CTNNA3: variants seen among roughly 807,000 people sequenced by gnomAD.
The protein encoded by CTNNA3 is catenin alpha-3.
In CTNNA3, 76 loss-of-function variants were observed where a neutral mutation model predicts 95.7. That is an observed-to-expected ratio of 0.79 (90% confidence interval 0.66 to 0.96). The LOEUF (loss-of-function observed/expected upper bound fraction) is 0.96, where lower values mean the gene tolerates loss of function less well. Among genes scored for constraint, CTNNA3 ranks in the 40% least tolerant of loss-of-function variants. The pLI is 0.00. For synonymous variants in CTNNA3, 431 were observed against 374.4 expected, an observed-to-expected ratio of 1.15 and a Z score of -1.74; for missense variants, 1,191 against 1,089.8, an observed-to-expected ratio of 1.09 and a Z score of -1.31.
chr10:66,793,584 T>C (rs576791257), intron 7 of CTNNA3, among the ~76,000 whole-genome samples: 115 of 152,312 alleles, frequency 7.6e-4, no homozygotes, highest in Admixed American at 1.8e-3. Context: ...GTATTTTATC[T>C]AGTTTAGTAG....
chr10:66,602,896 C>T (rs1389194764), intron 10 of CTNNA3, among the ~76,000 whole-genome samples: 1 of 151,956 alleles, frequency 6.6e-6, no homozygotes, highest in African/African-American at 2.4e-5. Context: ...AATTCCATAT[C>T]CCTTTATGAT....
intron 7 of CTNNA3, among the ~76,000 whole-genome samples, chr10:67,160,612 T>C (rs1861496787): frequency 6.6e-6 from 1 of 151,942 alleles, no homozygotes; most frequent in African/African-American, 2.4e-5. Context: ...AATTTTTATA[T>C]TTTTTGTAGA....
intron 13 of CTNNA3, among the ~76,000 whole-genome samples, chr10:66,113,455 A>G (rs2082195087): frequency 6.6e-6 from 1 of 152,186 alleles, no homozygotes; most frequent in East Asian, 1.9e-4. Flanking sequence ...AGTGACTTGC[A>G]AAACTTCTTA....
At chr10:67,426,157 G>T (rs1004698959) in intron 5 of CTNNA3, among the ~76,000 whole-genome samples, 1 of 152,050 alleles carries the variant, frequency 6.6e-6, no homozygotes, top group African/African-American at 2.4e-5. Context: ...AGCAGAAAAT[G>T]ACCTTGAACT....
chr10:66,706,815 T>C (rs2132591037), intron 9 of CTNNA3, among the ~76,000 whole-genome samples: 1 of 152,118 alleles, frequency 6.6e-6, no homozygotes, highest in African/African-American at 2.4e-5. Context: ...AGTTTGTCTG[T>C]AAATGTCTAC....
At chr10:67,431,141 A>G (rs757346795) in intron 5 of CTNNA3, among the ~76,000 whole-genome samples, 3 of 151,984 alleles carry the variant, frequency 2.0e-5, no homozygotes, top group Non-Finnish European at 4.4e-5. Context: ...TTTGGATATC[A>G]GTTGAAGTCA....
chr10:66,771,374 T>G (rs1840080123), intron 8 of CTNNA3, among the ~76,000 whole-genome samples: 1 of 152,216 alleles, frequency 6.6e-6, no homozygotes, highest in African/African-American at 2.4e-5. Context: ...TTAAAAAGTC[T>G]TCCTCCTTTT....
intron 7 of CTNNA3, among the ~76,000 whole-genome samples, chr10:66,835,836 G>A (rs1842866519): frequency 6.6e-6 from 1 of 152,110 alleles, no homozygotes; most frequent in Non-Finnish European, 1.5e-5. Flanking sequence ...CTAGGAGGGA[G>A]GGCTTGTTAA....
chr10:66,839,994 G>T (rs1227993783), intron 7 of CTNNA3, among the ~76,000 whole-genome samples: 1 of 152,058 alleles, frequency 6.6e-6, no homozygotes, highest in Non-Finnish European at 1.5e-5. Flanking sequence ...ATTAGCTCTG[G>T]TAATGAAAAT....
chr10:66,135,414 T>TA (rs1056439740), intron 13 of CTNNA3, among the ~76,000 whole-genome samples: 4 of 152,142 alleles, frequency 2.6e-5, no homozygotes, highest in South Asian at 2.1e-4. Context: ...ACAAATTAGC[T>TA]AAAAAAATTA....
intron 13 of CTNNA3, among the ~76,000 whole-genome samples, chr10:66,238,877 C>A (rs1247096297): frequency 6.6e-6 from 1 of 151,772 alleles, no homozygotes; most frequent in African/African-American, 2.4e-5. Flanking sequence ...AAGTAAGCAT[C>A]CTTTGTTTTC....
chr10:67,202,500 C>T (rs928906456), intron 6 of CTNNA3, among the ~76,000 whole-genome samples: 3 of 152,176 alleles, frequency 2.0e-5, no homozygotes, highest in Non-Finnish European at 4.4e-5. Flanking sequence ...TACCCTCCAT[C>T]TCTTGATAAA....
intron 5 of CTNNA3, among the ~76,000 whole-genome samples, chr10:67,309,074 A>G (rs570268099): frequency 3.3e-5 from 5 of 152,284 alleles, no homozygotes; most frequent in Admixed American, 6.5e-5. Context: ...TAGCACCATT[A>G]CAATTATGAC....
At chr10:66,658,890 TG>T (rs972118962) in intron 9 of CTNNA3, among the ~76,000 whole-genome samples, 4 of 152,080 alleles carry the variant, frequency 2.6e-5, no homozygotes, top group African/African-American at 9.7e-5. Context: ...GACAGGGTTT[TG>T]TCATGTTGAC....
intron 5 of CTNNA3, among the ~76,000 whole-genome samples, chr10:67,486,882 T>A (rs893700733): frequency 1.4e-4 from 21 of 152,210 alleles, no homozygotes; most frequent in Admixed American, 6.5e-5. Flanking sequence ...TGAATCATGT[T>A]TTCTCACACT....
At chr10:67,099,584 G>A (rs912835944) in intron 7 of CTNNA3, 2 of 152,068 alleles carry the variant, frequency 1.3e-5, no homozygotes, top group African/African-American at 4.8e-5. Context: ...GATTCAAGAA[G>A]AATGAACTTA....
chr10:67,735,186 G>A (rs987134641), intron 1 of CTNNA3, among the ~76,000 whole-genome samples: 1 of 149,874 alleles, frequency 6.7e-6, no homozygotes, highest in African/African-American at 2.5e-5. Flanking sequence ...GGCTCTCTTA[G>A]GTGATCTTAA....
intron 13 of CTNNA3, among the ~76,000 whole-genome samples, chr10:66,124,083 C>A (rs2082710350): frequency 6.6e-6 from 1 of 152,166 alleles, no homozygotes; most frequent in Admixed American, 6.5e-5. Context: ...ATTTTCTTTT[C>A]TATCGCATTG....
rs1866913443 is a variant in CTNNA3, at chr10:67,268,328, T to TTAAATTAAATTAAATTAAATTAAATTAAA, written c.580-48487_580-48459dup. 3.3e-5 allele frequency among the ~76,000 whole-genome samples: 5 copies of TTAAATTAAATTAAATTAAATTAAATTAAA among 149,350 alleles called. No homozygotes were observed. In the South Asian group the frequency reaches 8.4e-4, roughly 25 times the overall value. On this transcript the variant is annotated intron_variant, in intron 5 of 17. Coordinates refer to ENST00000433211, the MANE Select transcript of CTNNA3 (RefSeq NM_013266.4). ...CAAAAATAAATTAAATTAAATTAAA[T>TTAAATTAAATTAAATTAAATTAAATTAAA]TAAATTAAATTAAATTAAATTAAAT...
Sources: allele counts gnomAD v4.1 joint callset (sites outside exome capture counted in the v4.1 genomes callset), GRCh38; gene constraint gnomAD v4.1.1; transcripts MANE v1.5; gene names NCBI Gene and HGNC (gene_info 2026-07-23, HGNC 2026-07-21).